ATRX: variants seen among roughly 807,000 people sequenced by gnomAD.
ATRX encodes ATRX chromatin remodeler.
In ATRX, 12 loss-of-function variants were observed where a neutral mutation model predicts 172.6. The observed-to-expected ratio is 0.07, with a 90% CI of 0.04 to 0.11. The LOEUF (loss-of-function observed/expected upper bound fraction) is 0.11. Among genes scored for constraint, ATRX ranks in the 10% least tolerant of loss-of-function variants. The pLI, the probability that ATRX is intolerant of heterozygous loss-of-function variation, is 1.00. For missense variants in ATRX, 1,368 were observed against 1,767.4 expected (o/e 0.77, Z 4.05); for synonymous variants, 674 against 594.7 (o/e 1.13, Z -1.94).
At chrX:77,757,610 A>C (rs1489589082) in intron 1 of ATRX, among the ~76,000 whole-genome samples, 2 of 111,888 alleles carry the variant, frequency 1.8e-5, no homozygotes, top group Non-Finnish European at 3.8e-5. Context: ...GCAATAACAT[A>C]GTTTGGCTGG....
intron 26 of ATRX, among the ~76,000 whole-genome samples, chrX:77,593,091 G>A (rs1413121066): frequency 9.2e-6 from 1 of 108,830 alleles, no homozygotes; most frequent in Non-Finnish European, 1.9e-5. Flanking sequence ...GGGCATGGTG[G>A]TGTGCGCCTG....
intron 1 of ATRX, among the ~76,000 whole-genome samples, chrX:77,749,276 AT>A (rs1208644968): frequency 6.4e-5 from 7 of 109,632 alleles, no homozygotes; most frequent in Admixed American, 2.0e-4. Flanking sequence ...AAAAGACATG[AT>A]TTTTTTTTCT....
chrX:77,663,012 T>G, intron 12 of ATRX, among the ~76,000 whole-genome samples: 1 of 112,127 alleles, frequency 8.9e-6, no homozygotes, highest in Non-Finnish European at 1.9e-5. Context: ...TAAATTTCAT[T>G]ACTATAATTA....
intron 19 of ATRX, among the ~76,000 whole-genome samples, chrX:77,622,914 A>G (rs2067658539): frequency 9.1e-6 from 1 of 110,432 alleles, no homozygotes; most frequent in Admixed American, 9.7e-5. Flanking sequence ...AGGCAGTGCT[A>G]AGAGGAAAGT....
intron 1 of ATRX, among the ~76,000 whole-genome samples, chrX:77,717,711 G>C (rs1193049001): frequency 9.0e-6 from 1 of 110,954 alleles, no homozygotes; most frequent in Non-Finnish European, 1.9e-5. Context: ...GGAAACTGCT[G>C]ATATTACTTA....
chrX:77,655,700 TAA>T (rs374034587), intron 13 of ATRX, among the ~76,000 whole-genome samples: 5 of 100,175 alleles, frequency 5.0e-5, no homozygotes, highest in Admixed American at 1.1e-4. Context: ...TATCTTGGTT[TAA>T]AAAAAAAAAA....
At chrX:77,564,662 G>T (rs1198419617) in intron 28 of ATRX, among the ~76,000 whole-genome samples, 1 of 110,507 alleles carries the variant, frequency 9.0e-6, no homozygotes, top group Non-Finnish European at 1.9e-5. Flanking sequence ...TGGGATTACA[G>T]GTGTGAGCCA....
At chrX:77,719,429 T>C (rs2073624737) in intron 1 of ATRX, among the ~76,000 whole-genome samples, 1 of 110,763 alleles carries the variant, frequency 9.0e-6, no homozygotes, top group Non-Finnish European at 1.9e-5. Flanking sequence ...AGGATGGATA[T>C]AATAATTTTA....
chrX:77,587,753 G>A (rs1045659844), intron 27 of ATRX, among the ~76,000 whole-genome samples: 1 of 112,061 alleles, frequency 8.9e-6, no homozygotes, highest in Non-Finnish European at 1.9e-5. Context: ...AATAAAATAT[G>A]TACAAATACA....
intron 22 of ATRX, among the ~76,000 whole-genome samples, chrX:77,603,513 C>T (rs1392277318): frequency 2.9e-5 from 3 of 105,152 alleles, no homozygotes; most frequent in Non-Finnish European, 5.9e-5. Flanking sequence ...CTACAGGTGC[C>T]TGCCACCATG....
Position 77,617,853 on chromosome X carries a change from A to G in ATRX, c.5448+953T>C, listed in dbSNP as rs782434603. 2.7e-5 allele frequency among the ~76,000 whole-genome samples: 3 copies of G among 110,078 alleles called. No homozygotes were observed. In the South Asian group the frequency reaches 1.2e-3, roughly 44 times the overall value. On this transcript the variant is annotated intron_variant, in intron 21 of 34. Transcript: ENST00000373344. ...TGCCTCAGCCTCCCAAGTGACAGAG[A>G]CTATAGGTGCGCACCACCGTGGCTG...
rs1557138210 is a variant in ATRX at position 77,682,166 on chromosome X, C to G, written c.3090G>C (p.Lys1030Asn). The G allele has an allele frequency of 1.7e-6, 2 of 1,210,849 alleles. No homozygotes were observed. Among genetic ancestry groups the G allele is most frequent in the South Asian group, 1.8e-5 (1 of 56,859 alleles). ...PEREEICHFPKGIKQIKNGTT... is the reference protein window; with the variant it reads ...PEREEICHFPNGIKQIKNGTT... ...TTCCATTCTTAATTTGTTTTATGCC[C>G]TTAGGAAAATGACAAATTTCTTCTC... is the stretch of plus-strand genomic sequence containing the variant. Residue 1030 changes from lysine (K) to asparagine (N), a missense_variant, in exon 9 of 35, where the codon AAG becomes AAC. By Grantham distance (94) the Lys-to-Asn change is moderately conservative (BLOSUM62 0). Around this residue, in one of 17 missense-constraint regions of ATRX, gnomAD observed 843 missense variants for 643.1 expected, o/e 1.31. Coordinates refer to ENST00000373344, the MANE Select transcript of ATRX (RefSeq NM_000489.6).
intron 30 of ATRX, among the ~76,000 whole-genome samples, chrX:77,545,918 C>CAGATTGT (rs782318968): frequency 4.7e-4 from 52 of 111,024 alleles, no homozygotes; most frequent in Non-Finnish European, 7.5e-4. Context: ...AAGTTCAGCA[C>CAGATTGT]CAAAGACAAT....
At chrX:77,618,770 G>GT in intron 21 of ATRX, 36 bp downstream of exon 21, 1 of 1,139,833 alleles carries the variant, frequency 8.8e-7, no homozygotes, top group Non-Finnish European at 1.2e-6. Context: ...ATATAAAAAA[G>GT]TAAGAATATT....
chrX:77,722,369 A>ATAT (rs782046647), intron 1 of ATRX, among the ~76,000 whole-genome samples: 3 of 108,560 alleles, frequency 2.8e-5, no homozygotes, highest in Non-Finnish European at 5.8e-5. Flanking sequence ...GCAAAAAAAA[A>ATAT]ATATATATAT....
At chrX:77,660,283 A>G (rs1282465677) in intron 12 of ATRX, among the ~76,000 whole-genome samples, 1 of 111,790 alleles carries the variant, frequency 8.9e-6, no homozygotes, top group African/African-American at 3.3e-5. Flanking sequence ...TTATAAGACA[A>G]GCTGGGCGCA....
chrX:77,611,462 C>T (rs1258715836), intron 22 of ATRX, among the ~76,000 whole-genome samples: 1 of 111,759 alleles, frequency 8.9e-6, no homozygotes, highest in African/African-American at 3.3e-5. Flanking sequence ...TTGGAAATTA[C>T]TATTATACAT....
chrX:77,614,305 T>C (rs2067268158), intron 22 of ATRX, among the ~76,000 whole-genome samples: 1 of 112,159 alleles, frequency 8.9e-6, no homozygotes, highest in Non-Finnish European at 1.9e-5. Flanking sequence ...TATAACCCAC[T>C]TGGCCTTTTA....
At chrX:77,537,996 A>G (rs950886600) in intron 30 of ATRX, among the ~76,000 whole-genome samples, 4 of 110,591 alleles carry the variant, frequency 3.6e-5, no homozygotes, top group Non-Finnish European at 5.7e-5. Context: ...AGAACACATG[A>G]ACACGTTGAA....
Sources: gnomAD v4.1 joint callset for allele counts (sites outside exome capture counted in the v4.1 genomes callset) on GRCh38, gnomAD v4.1.1 for gene constraint, gnomAD v4.1.1 regional missense constraint, MANE v1.5 for transcripts, NCBI Gene and HGNC (gene_info 2026-07-23, HGNC 2026-07-21) for gene names.